The following FMN2 variants were observed in gnomAD, a reference collection of about 807,000 sequenced individuals.
The protein encoded by FMN2 is formin-2.
FMN2 carries 51 observed loss-of-function variants against 142.3 expected under a neutral mutation model. That is an observed-to-expected ratio of 0.36 (90% CI 0.29 to 0.45). FMN2 has a LOEUF of 0.45. Ranked by LOEUF, FMN2 falls within the 20% of genes least tolerant of loss-of-function variation. FMN2 has a pLI of 1.00. For missense variants in FMN2, 1,936 were observed against 2,122.8 expected (o/e 0.91, Z 1.73); for synonymous variants, 882 against 869.8 (o/e 1.01, Z -0.25).
At chr1:240,443,810 C>G (rs531482282) in intron 16 of FMN2, among the ~76,000 whole-genome samples, 1 of 151,996 alleles carries the variant, frequency 6.6e-6, no homozygotes, top group East Asian at 1.9e-4. Context: ...GGAAGGGAGA[C>G]TAACATTTAT....
chr1:240,381,562 T>C (rs1338186780), intron 14 of FMN2, among the ~76,000 whole-genome samples: 2 of 152,110 alleles, frequency 1.3e-5, no homozygotes, highest in East Asian at 3.9e-4. Context: ...TCTGAGTAGC[T>C]GGGATTACAG....
intron 14 of FMN2, among the ~76,000 whole-genome samples, chr1:240,368,832 A>G (rs1334443426): frequency 6.6e-6 from 1 of 152,086 alleles, no homozygotes; most frequent in Admixed American, 6.6e-5. Context: ...TTTTCATATC[A>G]TTTAATTTTC....
At chr1:240,359,149 T>G (rs531869336) in intron 14 of FMN2, among the ~76,000 whole-genome samples, 21 of 152,122 alleles carry the variant, frequency 1.4e-4, no homozygotes, top group Non-Finnish European at 2.6e-4. Context: ...AAGGTAAATT[T>G]TTAAGAAGAT....
intron 8 of FMN2, among the ~76,000 whole-genome samples, chr1:240,316,032 T>C (rs994770491): frequency 6.6e-6 from 1 of 152,220 alleles, no homozygotes; most frequent in South Asian, 2.1e-4. Flanking sequence ...GAGATCTTTT[T>C]TCCCCTCCAA....
intron 1 of FMN2, among the ~76,000 whole-genome samples, chr1:240,113,557 CAAAAAAA>C (rs34741987): frequency 7.9e-5 from 7 of 88,498 alleles, no homozygotes; most frequent in Non-Finnish European, 1.4e-4. Flanking sequence ...GACTCCGTCT[CAAAAAAA>C]AAAAAAAAAA....
In FMN2 at chr1:240,101,165, T is replaced by C. The variant is rs1314212206; in HGVS notation, c.1615+7441T>C. The stretch of plus-strand genomic sequence containing the variant: ...CACAAGGCAATCATTTCTTGCCTCT[T>C]GTTAATACCCTGGCTTCCCAGATTG... On this transcript the variant is annotated intron_variant, in intron 1 of 17. Transcript: ENST00000319653. Among the ~76,000 whole-genome samples the C allele has an allele frequency of 2.6e-5, 4 of 152,236 alleles. No homozygotes were observed. The East Asian group carries it at 7.7e-4, about 29-fold the overall frequency.
chr1:240,388,227 C>CAAAAAAAAAAAAAAAA (rs761610582), intron 14 of FMN2, among the ~76,000 whole-genome samples: 1 of 6,052 alleles, frequency 1.7e-4, no homozygotes, highest in African/African-American at 8.3e-4. Context: ...GTGCTCAAAG[C>CAAAAAAAAAAAAAAAA]AAAAAAAAAA....
intron 6 of FMN2, among the ~76,000 whole-genome samples, chr1:240,228,782 T>A (rs1429398461): frequency 1.4e-5 from 2 of 140,464 alleles, no homozygotes; most frequent in Admixed American, 1.4e-4. Context: ...TCAAAAAACC[T>A]TAAGATAAAC....
chr1:240,187,299 A>G (rs1390407532), intron 3 of FMN2, among the ~76,000 whole-genome samples: 2 of 151,518 alleles, frequency 1.3e-5, no homozygotes, highest in African/African-American at 4.8e-5. Context: ...AAAGAAAAGA[A>G]AAAAACAAAA....
intron 15 of FMN2, among the ~76,000 whole-genome samples, chr1:240,431,883 T>G (rs1159152477): frequency 6.6e-6 from 1 of 151,736 alleles, no homozygotes; most frequent in Non-Finnish European, 1.5e-5. Flanking sequence ...TAAGGTTTTT[T>G]TTTTTGCTTA....
chr1:240,183,471 ATATATAT>A (rs1665237629), intron 3 of FMN2, among the ~76,000 whole-genome samples: 1 of 148,154 alleles, frequency 6.7e-6, no homozygotes, highest in African/African-American at 2.5e-5. Flanking sequence ...TATAAATTGA[ATATATAT>A]TATATATTGA....
At chr1:240,385,221 T>C (rs190426046) in intron 14 of FMN2, among the ~76,000 whole-genome samples, 165 of 152,312 alleles carry the variant, frequency 1.1e-3, no homozygotes, top group Non-Finnish European at 1.7e-3. Context: ...AATCCCTAAA[T>C]TGAAATTAAT....
chr1:240,114,204 A>G (rs74149324), intron 1 of FMN2, among the ~76,000 whole-genome samples: 4,837 of 152,310 alleles, frequency 0.032, 246 homozygotes, highest in African/African-American at 0.11. Context: ...TCAAATATGT[A>G]TCTCAAAAAT....
intron 4 of FMN2, among the ~76,000 whole-genome samples, chr1:240,195,255 T>C (rs1310623767): frequency 6.6e-6 from 1 of 152,236 alleles, no homozygotes; most frequent in Non-Finnish European, 1.5e-5. Flanking sequence ...CCAGCTGATG[T>C]TGAATGAGGT....
chr1:240,423,582 G>A (rs1457292308), intron 15 of FMN2, among the ~76,000 whole-genome samples: 3 of 152,130 alleles, frequency 2.0e-5, no homozygotes, highest in Non-Finnish European at 4.4e-5. Context: ...GTCTCATTTG[G>A]TACTCAGCCT....
rs535441679 is a variant in FMN2, at chr1:240,461,604, T to A, written c.5061-10768T>A. ...TCATCTATTCAAATCTACTTTCCACTGTAGGAATATCATTTTCATAGTAAT... is the reference window on the plus strand; with the variant it reads ...TCATCTATTCAAATCTACTTTCCACAGTAGGAATATCATTTTCATAGTAAT... On this transcript the variant is annotated intron_variant, in intron 16 of 17. Coordinates refer to ENST00000319653, the MANE Select transcript of FMN2 (RefSeq NM_020066.5). Among the ~76,000 whole-genome samples the A allele has an allele frequency of 3.9e-5, 6 of 152,326 alleles. No homozygotes were observed. In the East Asian group the frequency reaches 1.2e-3, roughly 29 times the overall value.
At chr1:240,361,141 G>GTGTATATATATATA (rs1482884783) in intron 14 of FMN2, among the ~76,000 whole-genome samples, 3 of 43,270 alleles carry the variant, frequency 6.9e-5, no homozygotes, top group Non-Finnish European at 1.1e-4. Flanking sequence ...AAATATATGT[G>GTGTATATATATATA]TATATATATA....
intron 4 of FMN2, among the ~76,000 whole-genome samples, chr1:240,205,454 T>A (rs1666299827): frequency 6.9e-6 from 1 of 145,068 alleles, no homozygotes; most frequent in Admixed American, 7.1e-5. Context: ...CAATGCTCTT[T>A]CCTTTTTTTT....
chr1:240,347,208 A>G (rs1004022960), intron 13 of FMN2, among the ~76,000 whole-genome samples: 1 of 152,222 alleles, frequency 6.6e-6, no homozygotes, highest in Non-Finnish European at 1.5e-5. Context: ...CAGAAAGAGG[A>G]TGCTGAGGAA....
Sources: allele counts gnomAD v4.1 joint callset (sites outside exome capture counted in the v4.1 genomes callset), GRCh38; gene constraint gnomAD v4.1.1; transcripts MANE v1.5; gene names NCBI Gene and HGNC (gene_info 2026-07-23, HGNC 2026-07-21).